DLG2: variants seen among roughly 807,000 people sequenced by gnomAD.
DLG2 encodes discs large MAGUK scaffold protein 2.
Under a neutral mutation model 132.5 loss-of-function variants are expected in DLG2, and 45 were observed. The ratio of observed to expected loss-of-function variants is 0.34; its 90% confidence interval spans 0.27 to 0.44. The LOEUF is 0.44. DLG2 is among the 20% of genes least tolerant of loss of function. The probability of loss-of-function intolerance (pLI) is 1.00; values close to 1 mark genes in which losing one functional copy is unlikely to be tolerated. For missense variants in DLG2, 1,045 were observed against 1,196.9 expected (o/e 0.87, Z 1.87); for synonymous variants, 424 against 419.6 (o/e 1.01, Z -0.13).
At chr11:84,417,182 A>C (rs961306622) in intron 7 of DLG2, among the ~76,000 whole-genome samples, 1 of 152,352 alleles carries the variant, frequency 6.6e-6, no homozygotes, top group East Asian at 1.9e-4. Flanking sequence ...GGTTTAGCGG[A>C]AACACTGAAT....
intron 18 of DLG2, among the ~76,000 whole-genome samples, chr11:83,727,503 T>C (rs1350132250): frequency 1.3e-5 from 2 of 152,320 alleles, no homozygotes. Context: ...TATTGACATC[T>C]GGAAAGCCTG....
intron 6 of DLG2, among the ~76,000 whole-genome samples, chr11:84,823,277 T>C (rs928948371): frequency 6.6e-6 from 1 of 151,802 alleles, no homozygotes; most frequent in South Asian, 2.1e-4. Context: ...ACTAGTATTA[T>C]AGAATTGAAT....
At chr11:84,903,688 A>C (rs941438605) in intron 6 of DLG2, among the ~76,000 whole-genome samples, 1 of 152,150 alleles carries the variant, frequency 6.6e-6, no homozygotes. Context: ...CAACTACAAA[A>C]TTAGGATAGT....
chr11:83,696,219 G>A (rs555040873), intron 18 of DLG2, among the ~76,000 whole-genome samples: 2 of 152,276 alleles, frequency 1.3e-5, no homozygotes, highest in South Asian at 2.1e-4. Flanking sequence ...CAGTGGGAAT[G>A]TAAAGAAAAG....
rs200628703 is a variant in DLG2 at position 83,511,111 on chromosome 11, CACAT to C, written c.2193+21593_2193+21596del. On this transcript the variant is annotated intron_variant, in intron 21 of 27. Transcript: ENST00000376104. ...AGACACACACACACACACACACACA[CACAT>C]TCTTTTCTATCTATGCTGAATTCAT... Among the ~76,000 whole-genome samples, 284 of 151,010 alleles carry C rather than the reference CACAT, an allele frequency of 1.9e-3. 2 individuals carry two copies. The highest frequency in any genetic ancestry group is 6.4e-3 in the African/African-American group (262 of 40,810).
At chr11:84,029,082 C>T (rs1248060414) in intron 11 of DLG2, among the ~76,000 whole-genome samples, 3 of 152,050 alleles carry the variant, frequency 2.0e-5, no homozygotes, top group Non-Finnish European at 4.4e-5. Flanking sequence ...TCTAACTCTA[C>T]ACAGGATTAC....
chr11:85,485,643 A>G (rs560802712), intron 3 of DLG2, among the ~76,000 whole-genome samples: 1 of 152,246 alleles, frequency 6.6e-6, no homozygotes, highest in East Asian at 1.9e-4. Context: ...GATGCAGGGA[A>G]AGGGTAAAAG....
chr11:85,098,436 A>T (rs918700825), intron 6 of DLG2, among the ~76,000 whole-genome samples: 2 of 152,184 alleles, frequency 1.3e-5, no homozygotes, highest in African/African-American at 4.8e-5. Flanking sequence ...GCTTTCAGAG[A>T]GTCATAAAAC....
At chr11:84,694,046 C>T (rs1285904488) in intron 6 of DLG2, among the ~76,000 whole-genome samples, 1 of 151,594 alleles carries the variant, frequency 6.6e-6, no homozygotes, top group Non-Finnish European at 1.5e-5. Context: ...ACTAAGAGAA[C>T]ACAATCCCTT....
intron 11 of DLG2, among the ~76,000 whole-genome samples, chr11:83,983,962 G>T (rs2093022018): frequency 6.6e-6 from 1 of 152,040 alleles, no homozygotes; most frequent in South Asian, 2.1e-4. Flanking sequence ...AAGTACAGAG[G>T]TTATTCCAAA....
chr11:85,376,960 T>C (rs1045528945), intron 3 of DLG2, among the ~76,000 whole-genome samples: 1 of 152,192 alleles, frequency 6.6e-6, no homozygotes, highest in African/African-American at 2.4e-5. Flanking sequence ...CCTTACTATA[T>C]GTCAGGCACT....
At chr11:84,548,792 G>A (rs548455308) in intron 6 of DLG2, among the ~76,000 whole-genome samples, 1 of 152,184 alleles carries the variant, frequency 6.6e-6, no homozygotes, top group South Asian at 2.1e-4. Flanking sequence ...CCCCAGGTCA[G>A]CAGCTTGACT....
chr11:83,816,882 G>A (rs1360699561), intron 17 of DLG2, among the ~76,000 whole-genome samples: 2 of 152,064 alleles, frequency 1.3e-5, no homozygotes, highest in South Asian at 2.1e-4. Context: ...TTCAAGTTTG[G>A]TTAGGTTACA....
At chr11:83,817,289 G>T (rs2049292974) in intron 17 of DLG2, among the ~76,000 whole-genome samples, 1 of 152,154 alleles carries the variant, frequency 6.6e-6, no homozygotes, top group Non-Finnish European at 1.5e-5. Flanking sequence ...AATGGCAAGA[G>T]AAGGCATTTA....
chr11:84,089,719 A>G (rs1444648735), intron 10 of DLG2, among the ~76,000 whole-genome samples: 3 of 152,250 alleles, frequency 2.0e-5, no homozygotes, highest in Non-Finnish European at 4.4e-5. Flanking sequence ...ATGGATTTAA[A>G]GAAAAGAAAA....
chr11:85,553,873 AG>A, intron 3 of DLG2, among the ~76,000 whole-genome samples: 1 of 151,336 alleles, frequency 6.6e-6, no homozygotes, highest in Admixed American at 6.6e-5. Context: ...CTTGCTAAAA[AG>A]TAAATTATAT....
At chr11:85,220,726 C>A (rs1354751228) in intron 4 of DLG2, among the ~76,000 whole-genome samples, 1 of 151,144 alleles carries the variant, frequency 6.6e-6, no homozygotes, top group Non-Finnish European at 1.5e-5. Flanking sequence ...TGTCCTTCAT[C>A]TGTCTGCCTT....
chr11:85,538,584 T>C (rs2075762631), intron 3 of DLG2, among the ~76,000 whole-genome samples: 1 of 151,848 alleles, frequency 6.6e-6, no homozygotes, highest in South Asian at 2.1e-4. Flanking sequence ...AGACATGGAA[T>C]CCACCCAAAT....
chr11:85,158,290 C>T (rs577007387), intron 4 of DLG2, among the ~76,000 whole-genome samples: 1 of 152,206 alleles, frequency 6.6e-6, no homozygotes, highest in South Asian at 2.1e-4. Flanking sequence ...AGGGACTCTG[C>T]ATTTAATGTT....
Sources: gnomAD v4.1 joint callset for allele counts (sites outside exome capture counted in the v4.1 genomes callset) on GRCh38, gnomAD v4.1.1 for gene constraint, MANE v1.5 for transcripts, NCBI Gene and HGNC (gene_info 2026-07-23, HGNC 2026-07-21) for gene names.